Variants in PLEKHH2 observed in about 807,000 individuals in gnomAD.
The protein encoded by PLEKHH2 is pleckstrin homology domain-containing family H member 2.
Under a neutral mutation model 187.9 loss-of-function variants are expected in PLEKHH2, and 129 were observed. That is an observed-to-expected ratio of 0.69 (90% CI 0.59 to 0.79). The LOEUF (loss-of-function observed/expected upper bound fraction) is 0.79, where lower values mean the gene tolerates loss of function less well. PLEKHH2 is among the 30% of genes least tolerant of loss of function. The pLI is 0.00. For missense variants in PLEKHH2, 2,076 were observed against 1,751.2 expected (o/e 1.19, Z -3.31); for synonymous variants, 686 against 605.6 (o/e 1.13, Z -1.95).
rs185040823 is a variant in PLEKHH2, at chr2:43,672,977, A to C, written c.124-5886A>C. Among the ~76,000 whole-genome samples the C allele has an allele frequency of 3.9e-3, 592 of 152,300 alleles. 8 individuals carry two copies. The highest frequency in any genetic ancestry group is 0.014 in the African/African-American group (569 of 41,554). On this transcript the variant is annotated intron_variant, in intron 2 of 29. Coordinates refer to ENST00000282406, the MANE Select transcript of PLEKHH2 (RefSeq NM_172069.4). The stretch of plus-strand genomic sequence containing the variant: ...ACTGCTTTGCAGTCCCTTTTCCCTC[A>C]ATATATCATTTATGTATAATATCAT...
chr2:43,764,305 C>G lies in PLEKHH2; in HGVS notation c.4236C>G (p.Asn1412Lys). The G allele has an allele frequency of 1.2e-6, 2 of 1,607,984 alleles. No individual in the cohort carries two copies. Among genetic ancestry groups the G allele is most frequent in the Non-Finnish European group, 1.7e-6 (2 of 1,176,034 alleles). ...AAGATGATTTTATGGTAGTCATTAA[C>G]AATACACATTCAAAGGACAAACCAA... ...GYQDDFMVVI[N>K]NTHSKDKPTE... The change falls in exon 29 of 30, where the codon AAC (asparagine) becomes AAG (lysine). Residue 1412 changes from asparagine to lysine, a missense_variant. By Grantham distance (94) the Asn-to-Lys change is moderately conservative. Coordinates refer to ENST00000282406, the MANE Select transcript of PLEKHH2 (RefSeq NM_172069.4).
In PLEKHH2 at chr2:43,692,612, A is replaced by G. The variant is rs777439781; in HGVS notation, c.285A>G (p.Ile95Met). Residue 95 changes from isoleucine (I) to methionine (M), a missense_variant, in exon 4 of 30, where the codon ATA becomes ATG. Physicochemically the swap from Ile to Met is conservative, Grantham distance 10. Transcript: ENST00000282406. The part of the protein sequence containing the change: ...YNKCQDLESL[I>M]QEKDDVIQNL... ...AGTGTCAAGATCTGGAGTCGCTAAT[A>G]CAGGAAAAAGATGACGTCATTCAAA... The G allele has an allele frequency of 1.2e-6, 2 of 1,613,178 alleles. No individual in the cohort carries two copies. Among genetic ancestry groups the G allele is most frequent in the Middle Eastern group, 1.7e-4 (1 of 6,054 alleles).
chr2:43,719,068 AT>A (rs1331247254), intron 15 of PLEKHH2, among the ~76,000 whole-genome samples: 2 of 152,092 alleles, frequency 1.3e-5, no homozygotes, highest in African/African-American at 2.4e-5. Context: ...ACATTTTCTC[AT>A]TTGGTTCTCA....
chr2:43,728,120 C>T (rs1338560410), intron 17 of PLEKHH2, among the ~76,000 whole-genome samples: 1 of 152,062 alleles, frequency 6.6e-6, no homozygotes, highest in African/African-American at 2.4e-5. Context: ...AAATATGTTT[C>T]AAGAGTTCCT....
chr2:43,650,989 A>G (rs1666441367), intron 2 of PLEKHH2, among the ~76,000 whole-genome samples: 1 of 151,940 alleles, frequency 6.6e-6, no homozygotes, highest in African/African-American at 2.4e-5. Context: ...TGGTTTTAAA[A>G]TAATCTAAGT....
At chr2:43,731,804 G>A (rs1239171036) in intron 19 of PLEKHH2, among the ~76,000 whole-genome samples, 1 of 152,114 alleles carries the variant, frequency 6.6e-6, no homozygotes, top group Non-Finnish European at 1.5e-5. Context: ...GGGATTTACT[G>A]AAATAAACTA....
At chr2:43,745,822 A>T in intron 23 of PLEKHH2, 44 bp from the exon 24 acceptor site, 1 of 1,445,574 alleles carries the variant, frequency 6.9e-7, no homozygotes, top group Non-Finnish European at 9.6e-7. Context: ...AAAAATGTTG[A>T]TTTGAAAAGT....
At chr2:43,647,659 T>A (rs1666246398) in intron 2 of PLEKHH2, among the ~76,000 whole-genome samples, 1 of 152,292 alleles carries the variant, frequency 6.6e-6, no homozygotes, top group South Asian at 2.1e-4. Context: ...AGTCAAATGT[T>A]GCATTCCAGA....
intron 9 of PLEKHH2, 50 bp downstream of exon 9, chr2:43,704,106 C>G (rs764895728): frequency 3.1e-6 from 4 of 1,273,498 alleles, no homozygotes; most frequent in African/African-American, 1.5e-5. Context: ...GGACTTTGTG[C>G]TAAGGGATAG....
At chr2:43,710,455 A>T in intron 13 of PLEKHH2, 34 bp from the exon 14 acceptor site, 2 of 1,587,808 alleles carry the variant, frequency 1.3e-6, no homozygotes, top group Non-Finnish European at 1.7e-6. Flanking sequence ...TGTTAAAGTT[A>T]ATCACTTTCC....
Position 43,700,240 on chromosome 2 carries a change from A to G in PLEKHH2, c.1282A>G (p.Thr428Ala), listed in dbSNP as rs1023206182. 2 of 1,614,180 alleles carry G rather than the reference A, an allele frequency of 1.2e-6. No individual in the cohort carries two copies. The highest frequency in any genetic ancestry group is 2.7e-5 in the African/African-American group (2 of 75,022). ...TCCTAACTCACTCTCTGGAAAAGGA[A>G]CACAATTAGTGCCTTCATCACACCT... ...KHPNSLSGKGTQLVPSSHLPP... is the reference protein window; with the variant it reads ...KHPNSLSGKGAQLVPSSHLPP... The change falls in exon 8 of 30, where the codon ACA becomes GCA. Residue 428 changes from threonine to alanine, a missense_variant. Coordinates refer to ENST00000282406, the MANE Select transcript of PLEKHH2 (RefSeq NM_172069.4).
rs773009001 is a variant in PLEKHH2, at chr2:43,700,328, A to C, written c.1370A>C (p.His457Pro). 57 of 1,614,066 alleles carry C rather than the reference A, an allele frequency of 3.5e-5. No individual in the cohort carries two copies. The highest frequency in any genetic ancestry group is 4.6e-5 in the Non-Finnish European group (54 of 1,180,022). ...FSISVALAKR[H>P]LSQPQLSSDR... ...ATAAGTGTAGCACTAGCCAAAAGGC[A>C]CTTAAGCCAGCCACAGTTAAGCTCT... Residue 457 changes from histidine (H) to proline (P), a missense_variant, in exon 8 of 30, where the codon CAC (histidine) becomes CCC (proline). Transcript: ENST00000282406.
In PLEKHH2 at chr2:43,691,639, C is replaced by T. The variant is rs1184332161; in HGVS notation, c.187-875C>T. The stretch of plus-strand genomic sequence containing the variant: ...TCTGCCTAGGCATTTGTCTGCCTCC[C>T]GCCTCTATCATTATCACCTGAGTAA... On this transcript the variant is annotated intron_variant, in intron 3 of 29. Transcript: ENST00000282406. 2.0e-5 allele frequency among the ~76,000 whole-genome samples: 3 copies of T among 152,190 alleles called. 1 individual carries two copies. Among genetic ancestry groups the T allele is most frequent in the South Asian group, 4.1e-4 (2 of 4,832 alleles).
In PLEKHH2 at chr2:43,745,857, C is replaced by T; in HGVS notation, c.3556-9C>T. 6.3e-7 allele frequency: 1 copy of T among 1,591,276 alleles called. No homozygotes were observed. The highest frequency in any genetic ancestry group is 8.6e-7 in the Non-Finnish European group (1 of 1,162,600). On this transcript the variant is annotated splice_polypyrimidine_tract_variant and intron_variant, in intron 23 of 29. Coordinates refer to ENST00000282406, the MANE Select transcript of PLEKHH2 (RefSeq NM_172069.4). ...TACTGTAAATCTCAGTTTTCCACTT[C>T]CTTTCTAGATTTGTGACATTATTTC... is the stretch of plus-strand genomic sequence containing the variant.
At chr2:43,647,121 G>C (rs1269070280) in intron 2 of PLEKHH2, among the ~76,000 whole-genome samples, 3 of 151,950 alleles carry the variant, frequency 2.0e-5, no homozygotes, top group African/African-American at 7.2e-5. Context: ...GCTCTGTATA[G>C]GTATGGTATG....
chr2:43,697,115 G>T (rs2104476928), intron 6 of PLEKHH2, 56 bp from the exon 7 acceptor site: 1 of 1,432,064 alleles, frequency 7.0e-7, no homozygotes. Flanking sequence ...TTGGTTCTAT[G>T]TTTAACAAAC....
chr2:43,667,760 C>T (rs1192987612), intron 2 of PLEKHH2, among the ~76,000 whole-genome samples: 5 of 152,080 alleles, frequency 3.3e-5, no homozygotes, highest in Non-Finnish European at 7.3e-5. Context: ...ACAAAGTAGA[C>T]TATTGGTTGC....
intron 15 of PLEKHH2, 143 bp from the exon 16 acceptor site, chr2:43,720,526 A>G (rs1415280707): frequency 4.6e-6 from 6 of 1,310,920 alleles, no homozygotes; most frequent in Non-Finnish European, 6.2e-6. Flanking sequence ...TACATCTTAA[A>G]CAGCACTGGA....
At chr2:43,741,831 A>T (rs1218489118) in intron 21 of PLEKHH2, among the ~76,000 whole-genome samples, 6 of 152,198 alleles carry the variant, frequency 3.9e-5, no homozygotes, top group African/African-American at 1.2e-4. Flanking sequence ...AGGTGTTATC[A>T]ATCTGCTTGA....
Sources: allele counts gnomAD v4.1 joint callset (sites outside exome capture counted in the v4.1 genomes callset), GRCh38; gene constraint gnomAD v4.1.1; transcripts MANE v1.5; gene names NCBI Gene and HGNC (gene_info 2026-07-23, HGNC 2026-07-21).